AHRR: variants seen among roughly 807,000 people sequenced by gnomAD.
AHRR encodes the protein aryl hydrocarbon receptor repressor.
Under a neutral mutation model 44.0 loss-of-function variants are expected in AHRR, and 28 were observed. That is an observed-to-expected ratio of 0.64 (90% CI 0.47 to 0.87). The LOEUF (loss-of-function observed/expected upper bound fraction) is 0.87. Among genes scored for constraint, AHRR ranks in the 40% least tolerant of loss-of-function variants. The pLI is 0.00. For synonymous variants in AHRR, 434 were observed against 407.0 expected (o/e 1.07, Z -0.80); for missense variants, 990 against 953.9 (o/e 1.04, Z -0.50).
chr5:398,029 T>TCCTGACCATCCATGTTAGCC (rs1734825395), intron 4 of AHRR, among the ~76,000 whole-genome samples: 1 of 78,998 alleles, frequency 1.3e-5, no homozygotes, highest in Non-Finnish European at 2.4e-5. Flanking sequence ...TCCACGTAGC[T>TCCTGACCATCCATGTTAGCC]CCTGACCATC....
chr5:427,439 A>G (rs1272088549), intron 7 of AHRR, among the ~76,000 whole-genome samples: 2 of 152,220 alleles, frequency 1.3e-5, no homozygotes, highest in African/African-American at 2.4e-5. Context: ...AATTCTTGCC[A>G]GGGGTTTGCC....
intron 4 of AHRR, among the ~76,000 whole-genome samples, chr5:396,555 C>A (rs1455420300): frequency 6.6e-6 from 1 of 152,232 alleles, no homozygotes. Flanking sequence ...GCATTTTCTG[C>A]CGCTTCTTCG....
At position 370,711 on chromosome 5, in the gene AHRR, C is replaced by T. The variant is rs1477891624; in HGVS notation, c.245-5899C>T. ...GGGTTGGGGACAGGTCTCGGGAAGG[C>T]ACAGGTGACAGTGTGGGGTGGAGGG... On this transcript the variant is annotated intron_variant, in intron 3 of 10. Transcript: ENST00000684583. This position sits in a 1 kb window ranked among gnomAD's most constrained non-coding sequence, Gnocchi z 4.5. 7.3e-6 allele frequency among the ~76,000 whole-genome samples: 1 copy of T among 137,906 alleles called. No homozygotes were observed. The highest frequency in any genetic ancestry group is 8.1e-5 in the Admixed American group (1 of 12,410). The allele number at this position is 137,906 out of a possible 152,430, so 90.5% of individuals were successfully genotyped here.
At chr5:396,099 G>T (rs1186225081) in intron 4 of AHRR, among the ~76,000 whole-genome samples, 2 of 152,180 alleles carry the variant, frequency 1.3e-5, no homozygotes, top group African/African-American at 4.8e-5. Flanking sequence ...GGGCAGTGGG[G>T]GCCTGCAGCC....
intron 1 of AHRR, chr5:322,562 G>T (rs907796644): frequency 6.6e-6 from 1 of 152,116 alleles, no homozygotes; most frequent in African/African-American, 2.4e-5. Flanking sequence ...TCTTGCAGAA[G>T]GGTGGGCGTG....
chr5:367,912 A>G lies in AHRR; in HGVS notation c.245-8698A>G, dbSNP rs1160778994. On this transcript the variant is annotated intron_variant, in intron 3 of 10. Coordinates refer to ENST00000684583, the MANE Select transcript of AHRR (RefSeq NM_001377236.1). ...CCGAGCATTGGACACCCAGGCCCTG[A>G]GACGTACTCAGTTCGGTCTGCATCT... is the stretch of plus-strand genomic sequence containing the variant. 15 of 702,564 alleles carry G rather than the reference A, an allele frequency of 2.1e-5. No homozygotes were observed. The East Asian group carries it at 4.0e-4, about 19-fold the overall frequency. The allele number at this position is 702,564 out of a possible 1,614,324, so 43.5% of individuals were successfully genotyped here. A position where few individuals can be genotyped will look rare whatever the true frequency, so the allele number is the denominator to read the frequency against.
rs544263349 is a variant in AHRR at position 419,889 on chromosome 5, A to G, written c.442-2840A>G. Among the ~76,000 whole-genome samples the G allele has an allele frequency of 2.0e-5, 3 of 152,290 alleles. No individual in the cohort carries two copies. The highest frequency in any genetic ancestry group is 3.9e-4 in the East Asian group (2 of 5,176). Reference sequence around the variant, plus strand: ...TTTTGTGTTATGTGTGCCAGGGTGTAAAGTGGATTTTAAGATGTGGAATTG... The same window carrying G: ...TTTTGTGTTATGTGTGCCAGGGTGTGAAGTGGATTTTAAGATGTGGAATTG... On this transcript the variant is annotated intron_variant, in intron 5 of 10. Transcript: ENST00000684583. This position sits in a 1 kb window ranked among gnomAD's most constrained non-coding sequence, Gnocchi z 4.4.
intron 8 of AHRR, among the ~76,000 whole-genome samples, chr5:430,131 T>A (rs1248377657): frequency 2.6e-5 from 4 of 152,238 alleles, no homozygotes; most frequent in African/African-American, 9.6e-5. Context: ...TGCAGTCACG[T>A]GTGTTGCCTT....
At chr5:392,697 A>T (rs1734522950) in intron 4 of AHRR, among the ~76,000 whole-genome samples, 1 of 152,146 alleles carries the variant, frequency 6.6e-6, no homozygotes, top group Non-Finnish European at 1.5e-5. Context: ...GGTTTTAGGG[A>T]CAACGGCTGA....
intron 10 of AHRR, 86 bp downstream of exon 10, chr5:433,033 G>A: frequency 7.1e-7 from 1 of 1,417,400 alleles, no homozygotes; most frequent in East Asian, 2.6e-5. Flanking sequence ...GAGTGATTAA[G>A]AAGAAAAATA....
chr5:322,153 G>C (rs1181493049), intron 1 of AHRR, among the ~76,000 whole-genome samples: 1 of 152,004 alleles, frequency 6.6e-6, no homozygotes, highest in African/African-American at 2.4e-5. Flanking sequence ...GCGGGCGGCG[G>C]AGCGGGGCCC....
intron 8 of AHRR, among the ~76,000 whole-genome samples, chr5:430,299 G>A (rs568147970): frequency 2.0e-5 from 3 of 152,322 alleles, no homozygotes; most frequent in African/African-American, 7.2e-5. Flanking sequence ...CGTCCCTCCT[G>A]TTCTTTGGCG....
chr5:340,297 T>C (rs373410538), intron 1 of AHRR, among the ~76,000 whole-genome samples: 14 of 152,148 alleles, frequency 9.2e-5, no homozygotes, highest in Non-Finnish European at 1.6e-4. Flanking sequence ...ATAGTATTTG[T>C]CTTACTCTGC....
intron 5 of AHRR, among the ~76,000 whole-genome samples, chr5:416,861 G>A (rs1028908474): frequency 6.6e-6 from 1 of 152,188 alleles, no homozygotes; most frequent in Non-Finnish European, 1.5e-5. Flanking sequence ...GTCTTTTTGT[G>A]CAGGGCCCAT....
chr5:371,624 T>A lies in AHRR; in HGVS notation c.245-4986T>A, dbSNP rs113594850. ...CCACCTGTCCTAGACCCACCTGTCC[T>A]GGGCCCACCTGTCCTGGGCTGACCA... On this transcript the variant is annotated intron_variant, in intron 3 of 10. Transcript: ENST00000684583. 3.9e-5 allele frequency among the ~76,000 whole-genome samples: 6 copies of A among 152,290 alleles called. 1 individual carries two copies. Among genetic ancestry groups the A allele is most frequent in the African/African-American group, 1.4e-4 (6 of 41,572 alleles).
intron 5 of AHRR, among the ~76,000 whole-genome samples, chr5:415,660 G>A (rs1443465206): frequency 7.4e-6 from 1 of 135,242 alleles, no homozygotes; most frequent in African/African-American, 2.6e-5. Context: ...GGAGGCCTAG[G>A]GGCCGAATCT....
chr5:345,510 G>T, intron 2 of AHRR, among the ~76,000 whole-genome samples: 1 of 94,530 alleles, frequency 1.1e-5, no homozygotes, highest in East Asian at 2.4e-4. Context: ...GGGGGGGAGG[G>T]GGTGTGTGTG....
rs562790026 is a variant in AHRR, at chr5:413,375, C to T, written c.383C>T (p.Ala128Val). ...AATGGCTTTGCTCTGGTCGTGAGTG[C>T]AGAAGGGACGATATTTTATGCATCA... Reference protein sequence around the residue: ...SLNGFALVVSAEGTIFYASAT... With the variant: ...SLNGFALVVSVEGTIFYASAT... The change falls in exon 5 of 11, where the codon GCA becomes GTA. Residue 128 changes from alanine (A) to valine (V), a missense_variant. By Grantham distance (64) the Ala-to-Val change is moderately conservative. Transcript: ENST00000684583. 5.0e-6 allele frequency: 8 copies of T among 1,613,266 alleles called. No homozygotes were observed. Among genetic ancestry groups the T allele is most frequent in the African/African-American group, 1.3e-5 (1 of 74,834 alleles).
At chr5:349,376 G>C (rs991037344) in intron 2 of AHRR, among the ~76,000 whole-genome samples, 1 of 152,164 alleles carries the variant, frequency 6.6e-6, no homozygotes, top group African/African-American at 2.4e-5. Context: ...AGGAGATCGA[G>C]ACCATCCTGG....
Sources: gnomAD v4.1 joint callset for allele counts (sites outside exome capture counted in the v4.1 genomes callset) on GRCh38, gnomAD v4.1.1 for gene constraint, Gnocchi (gnomAD v3.1) non-coding constraint, MANE v1.5 for transcripts, NCBI Gene and HGNC (gene_info 2026-07-23, HGNC 2026-07-21) for gene names.